The following CCDC80 variants were observed in gnomAD, a reference collection of about 807,000 sequenced individuals.
CCDC80 encodes coiled-coil domain containing 80.
A neutral mutation model predicts 78.7 loss-of-function variants in CCDC80; 49 were observed. The observed-to-expected ratio is 0.62, with a 90% confidence interval of 0.50 to 0.79. The LOEUF is 0.79. Among genes scored for constraint, CCDC80 ranks in the 30% least tolerant of loss-of-function variants. The pLI, the probability that CCDC80 is intolerant of heterozygous loss-of-function variation, is 0.00. For synonymous variants in CCDC80, 488 were observed against 447.0 expected (o/e 1.09, Z -1.16); for missense variants, 1,205 against 1,198.6 (o/e 1.01, Z -0.08).
intron 5 of CCDC80, among the ~76,000 whole-genome samples, chr3:112,614,054 C>T (rs1018161547): frequency 6.6e-6 from 1 of 152,006 alleles, no homozygotes; most frequent in African/African-American, 2.4e-5. Flanking sequence ...TCTGAGAGAA[C>T]GTTAGATTCA....
In CCDC80 at chr3:112,639,299, T is replaced by A. The variant is rs952894483; in HGVS notation, c.607A>T (p.Ile203Phe). The A allele has an allele frequency of 1.2e-6, 2 of 1,614,032 alleles. No homozygotes were observed. Among genetic ancestry groups the A allele is most frequent in the African/African-American group, 1.3e-5 (1 of 74,912 alleles). ...AGEEGGKVRR[I>F]TSEGQILEQP... The stretch of plus-strand genomic sequence containing the variant: ...TCCAGGATCTGGCCCTCGCTGGTGA[T>A]CCTTCTCACCTTGCCTCCTTCCTCA... The change falls in exon 2 of 8, where the codon ATC (isoleucine) becomes TTC (phenylalanine). Residue 203 changes from isoleucine to phenylalanine, a missense_variant. Physicochemically the swap from Ile to Phe is conservative, Grantham distance 21. Coordinates refer to ENST00000206423, the MANE Select transcript of CCDC80 (RefSeq NM_199511.3).
chr3:112,639,156 A>T lies in CCDC80; in HGVS notation c.750T>A (p.Tyr250Ter), dbSNP rs768817862. ...CGTACATGGCTTCCAGCCTAACGGG[A>T]TATGGATAGCGCTCCTCCACCTGCA... ...KTLQVEERYP[Y>*]PVRLEAMYEV... The change falls in exon 2 of 8, where the codon TAT (tyrosine) becomes TAA (stop). Residue 250 changes from tyrosine (Y) to a stop codon, truncating the protein, a stop_gained. Coordinates refer to ENST00000206423, the MANE Select transcript of CCDC80 (RefSeq NM_199511.3). LOFTEE classifies it high-confidence loss of function. 2 of 1,613,916 alleles carry T rather than the reference A, an allele frequency of 1.2e-6. No homozygotes were observed. Among genetic ancestry groups the T allele is most frequent in the Non-Finnish European group, 1.7e-6 (2 of 1,180,022 alleles).
At chr3:112,622,737 C>G (rs533944781) in intron 3 of CCDC80, among the ~76,000 whole-genome samples, 1 of 151,950 alleles carries the variant, frequency 6.6e-6, no homozygotes, top group South Asian at 2.1e-4. Flanking sequence ...CTCATTGCAA[C>G]CTCTGCCTCT....
intron 2 of CCDC80, 58 bp from the exon 3 acceptor site, chr3:112,630,327 C>A: frequency 1.3e-6 from 2 of 1,519,996 alleles, no homozygotes; most frequent in Non-Finnish European, 1.8e-6. Flanking sequence ...CACACTGAAG[C>A]AAAACCCAAA....
rs1936069690 is a variant in CCDC80 at position 112,630,190 on chromosome 3, G to A, written c.1958C>T (p.Ala653Val). 1.2e-6 allele frequency: 2 copies of A among 1,613,816 alleles called. No homozygotes were observed. The highest frequency in any genetic ancestry group is 1.7e-6 in the Non-Finnish European group (2 of 1,179,748). Reference protein sequence around the residue: ...DEYLESFCKMATRKISVITIF... With the variant: ...DEYLESFCKMVTRKISVITIF... ...GGTGATCACAGAGATTTTCCTGGTA[G>A]CCATCTTGCAGAAACTTTCCAGATA... The change falls in exon 3 of 8, where the codon GCT (alanine) becomes GTT (valine). Residue 653 changes from alanine (A) to valine (V), a missense_variant. Ala to Val is a moderately conservative substitution (Grantham distance 64). Transcript: ENST00000206423.
chr3:112,608,036 G>A (rs1559874360), intron 6 of CCDC80, among the ~76,000 whole-genome samples: 1 of 152,220 alleles, frequency 6.6e-6, no homozygotes. Flanking sequence ...AGCAAGCACA[G>A]CTTGCCTTCA....
At chr3:112,631,726 T>G (rs1936102950) in intron 2 of CCDC80, among the ~76,000 whole-genome samples, 1 of 152,202 alleles carries the variant, frequency 6.6e-6, no homozygotes, top group Non-Finnish European at 1.5e-5. Context: ...TCCTGCTGTT[T>G]ATTTTTCTCT....
chr3:112,639,296 T>A lies in CCDC80; in HGVS notation c.610A>T (p.Thr204Ser). The A allele has an allele frequency of 6.2e-7, 1 of 1,614,182 alleles. No homozygotes were observed. Among genetic ancestry groups the A allele is most frequent in the Non-Finnish European group, 8.5e-7 (1 of 1,180,020 alleles). Residue 204 changes from threonine (T) to serine (S), a missense_variant, in exon 2 of 8, where the codon ACC becomes TCC. Transcript: ENST00000206423. Reference sequence around the variant, plus strand: ...TGCTCCAGGATCTGGCCCTCGCTGGTGATCCTTCTCACCTTGCCTCCTTCC... The same window carrying A: ...TGCTCCAGGATCTGGCCCTCGCTGGAGATCCTTCTCACCTTGCCTCCTTCC... ...GEEGGKVRRI[T>S]SEGQILEQPL...
At chr3:112,631,552 A>G (rs1222667150) in intron 2 of CCDC80, among the ~76,000 whole-genome samples, 1 of 152,188 alleles carries the variant, frequency 6.6e-6, no homozygotes, top group Admixed American at 6.6e-5. Flanking sequence ...ATTTGACTAC[A>G]TTCAAATGTA....
intron 1 of CCDC80, 156 bp from the exon 2 acceptor site, chr3:112,640,072 G>A: frequency 1.2e-6 from 1 of 856,704 alleles, no homozygotes; most frequent in Non-Finnish European, 1.4e-6. Flanking sequence ...TCAGGAGATG[G>A]AAAATGGGAT....
intron 2 of CCDC80, among the ~76,000 whole-genome samples, chr3:112,631,818 A>G (rs1936104957): frequency 6.6e-6 from 1 of 152,190 alleles, no homozygotes; most frequent in African/African-American, 2.4e-5. Context: ...CCCTCAAGGA[A>G]ATTAAACGTG....
Position 112,639,864 on chromosome 3 carries a change from G to A in CCDC80, c.42C>T (p.Ala14=), listed in dbSNP as rs1190316284. 3 of 1,614,026 alleles carry A rather than the reference G, an allele frequency of 1.9e-6. No individual in the cohort carries two copies. Among genetic ancestry groups the A allele is most frequent in the African/African-American group, 1.3e-5 (1 of 74,890 alleles). Residue 14 remains alanine, a synonymous_variant, in exon 2 of 8, where the codon GCC becomes GCT. Transcript: ENST00000206423. ...GTTCTGATCCACACACTAGCCACAT[G>A]GCCAACAGCATAGTGAAACGGGGTC... The part of the protein sequence containing the change: ...RMGPRFTMLL[A]MWLVCGSEPH...
chr3:112,627,477 G>C (rs778156910), intron 3 of CCDC80, among the ~76,000 whole-genome samples: 5 of 152,222 alleles, frequency 3.3e-5, no homozygotes, highest in Non-Finnish European at 7.3e-5. Flanking sequence ...CAGCTGGTGA[G>C]TACGGCCCAC....
At chr3:112,624,411 C>T (rs1935925731) in intron 3 of CCDC80, among the ~76,000 whole-genome samples, 1 of 152,188 alleles carries the variant, frequency 6.6e-6, no homozygotes, top group Non-Finnish European at 1.5e-5. Context: ...TTCTCAAGAA[C>T]ATTGCCAGGA....
Position 112,597,441 on chromosome 3 carries a change from C to T in CCDC80, c.*7976G>A, listed in dbSNP as rs1021399446. ...GAATGGTGAATAGGTACACATTTCT[C>T]AAAGCTCAAAGTGCAAGTCTAGGTA... On this transcript the variant is annotated 3_prime_UTR_variant, in exon 8 of 8. Coordinates refer to ENST00000206423, the MANE Select transcript of CCDC80 (RefSeq NM_199511.3). 2.6e-5 allele frequency: 4 copies of T among 152,182 alleles called. No individual in the cohort carries two copies. The highest frequency in any genetic ancestry group is 4.4e-5 in the Non-Finnish European group (3 of 68,012). 9.4% of individuals were successfully genotyped at this position (152,182 alleles called of 1,614,324 possible).
rs1350413009 is a variant in CCDC80, at chr3:112,601,131, CAAGG to C, written c.*4282_*4285del. 1 of 152,118 alleles carries C rather than the reference CAAGG, an allele frequency of 6.6e-6. No homozygotes were observed. Among genetic ancestry groups the C allele is most frequent in the Non-Finnish European group, 1.5e-5 (1 of 68,024 alleles). 9.4% of individuals were successfully genotyped at this position (152,118 alleles called of 1,614,324 possible). A position where few individuals can be genotyped will look rare whatever the true frequency, so the allele number is the denominator to read the frequency against. ...TTCTGGAGCTCAGTTACCTGTAAAA[CAAGG>C]AAGAATGAATGGTCTTTATGGAAAA... On this transcript the variant is annotated 3_prime_UTR_variant, in exon 8 of 8. Coordinates refer to ENST00000206423, the MANE Select transcript of CCDC80 (RefSeq NM_199511.3).
At chr3:112,639,944 A>T in intron 1 of CCDC80, 28 bp from the exon 2 acceptor site, 1 of 1,573,990 alleles carries the variant, frequency 6.4e-7, no homozygotes, top group Middle Eastern at 1.7e-4. Flanking sequence ...GTCATAAAAC[A>T]AAGGGGAGGG....
At chr3:112,614,420 C>G (rs1309477464) in intron 5 of CCDC80, among the ~76,000 whole-genome samples, 1 of 151,990 alleles carries the variant, frequency 6.6e-6, no homozygotes, top group Non-Finnish European at 1.5e-5. Flanking sequence ...AAAAGCACCT[C>G]AAGAGCAAAA....
At chr3:112,632,889 CTGACCTCTT>C (rs532797113) in intron 2 of CCDC80, among the ~76,000 whole-genome samples, 39 of 152,286 alleles carry the variant, frequency 2.6e-4, no homozygotes, top group Admixed American at 4.6e-4. Flanking sequence ...CCTCCCTTAC[CTGACCTCTT>C]TACCCCCTAG....
Sources: allele counts gnomAD v4.1 joint callset (sites outside exome capture counted in the v4.1 genomes callset), GRCh38; gene constraint gnomAD v4.1.1; transcripts MANE v1.5; gene names NCBI Gene and HGNC (gene_info 2026-07-23, HGNC 2026-07-21).